Variants in UPF1 observed in about 807,000 individuals in gnomAD.
UPF1 encodes regulator of nonsense transcripts 1.
In UPF1, 9 loss-of-function variants were observed where a neutral mutation model predicts 129.2. The observed-to-expected ratio is 0.07, with a 90% CI of 0.04 to 0.12. The LOEUF (loss-of-function observed/expected upper bound fraction) is 0.12, where lower values mean the gene tolerates loss of function less well. UPF1 is among the 10% of genes least tolerant of loss of function. The pLI, the probability that UPF1 is intolerant of heterozygous loss-of-function variation, is 1.00. For synonymous variants in UPF1, 649 were observed against 644.9 expected (o/e 1.01, Z -0.10); for missense variants, 788 against 1,525.3 (o/e 0.52, Z 8.05).
chr19:18,837,107 T>C (rs2055491760), intron 1 of UPF1, among the ~76,000 whole-genome samples: 1 of 151,470 alleles, frequency 6.6e-6, no homozygotes. Context: ...GTTTTTGTTT[T>C]AAGGCAAAGT....
Position 18,851,085 on chromosome 19 carries a change from G to A in UPF1, c.810+217G>A. On this transcript the variant is annotated intron_variant, in intron 5 of 23. Coordinates refer to ENST00000262803, the MANE Select transcript of UPF1 (RefSeq NM_002911.4). The surrounding 1 kb of genome is among the most constrained non-coding windows in gnomAD (Gnocchi z 4.2). ...CTGACCGAGAAGATCCTGGCCTTGG[G>A]GAAAGGAAAGCTCTGGCTGCTGGAA... The A allele has an allele frequency of 2.1e-6, 1 of 487,438 alleles. No homozygotes were observed. The allele number at this position is 487,438 out of a possible 1,614,324, so 30.2% of individuals were successfully genotyped here. A position where few individuals can be genotyped will look rare whatever the true frequency, so the allele number is the denominator to read the frequency against.
intron 1 of UPF1, among the ~76,000 whole-genome samples, chr19:18,838,993 C>G (rs1362612973): frequency 2.0e-5 from 3 of 152,074 alleles, no homozygotes; most frequent in Non-Finnish European, 4.4e-5. Flanking sequence ...AAAAAGAGTT[C>G]CCTCTCAGCC....
chr19:18,838,963 A>G (rs1357803529), intron 1 of UPF1, among the ~76,000 whole-genome samples: 1 of 152,108 alleles, frequency 6.6e-6, no homozygotes, highest in Admixed American at 6.5e-5. Context: ...TATGACTAAT[A>G]CTATACCAGG....
At chr19:18,842,011 CTT>C (rs2055547239) in intron 1 of UPF1, among the ~76,000 whole-genome samples, 1 of 152,158 alleles carries the variant, frequency 6.6e-6, no homozygotes, top group Non-Finnish European at 1.5e-5. Context: ...AAGAGGATCT[CTT>C]TTAAGTTCAG....
intron 1 of UPF1, among the ~76,000 whole-genome samples, chr19:18,839,997 G>GTA (rs1259861247): frequency 1.3e-5 from 2 of 152,144 alleles, no homozygotes; most frequent in Non-Finnish European, 2.9e-5. Context: ...GAGGGTGGAT[G>GTA]TGGGGCCAGT....
Position 18,832,289 on chromosome 19 carries a change from A to G in UPF1, c.80A>G (p.Asp27Gly). Reference protein sequence around the residue: ...DTEEAELLGADTQGSEFEFTD... With the variant: ...DTEEAELLGAGTQGSEFEFTD... ...GAGGAGGCCGAGCTGCTTGGCGCCG[A>G]CACACAGGGCTCCGAGTTCGAGTTC... Residue 27 changes from aspartate (D) to glycine (G), a missense_variant, in exon 1 of 24, where the codon GAC becomes GGC. Coordinates refer to ENST00000262803, the MANE Select transcript of UPF1 (RefSeq NM_002911.4). The surrounding 1 kb of genome is among the most constrained non-coding windows in gnomAD (Gnocchi z 5.6). 6.5e-7 allele frequency: 1 copy of G among 1,542,402 alleles called. No individual in the cohort carries two copies. Among genetic ancestry groups the G allele is most frequent in the East Asian group, 2.7e-5 (1 of 36,520 alleles).
In UPF1 at chr19:18,832,124, A is replaced by G; in HGVS notation, c.-86A>G. 8.0e-7 allele frequency: 1 copy of G among 1,252,400 alleles called. No individual in the cohort carries two copies. The highest frequency in any genetic ancestry group is 1.0e-6 in the Non-Finnish European group (1 of 961,136). The allele number at this position is 1,252,400 out of a possible 1,614,324, so 77.6% of individuals were successfully genotyped here. ...GCGCGCGGGGGCGACAGCGGCAGCG[A>G]CCCGAGGCCTGCGGCCTAGGCCTCA... On this transcript the variant is annotated 5_prime_UTR_variant, in exon 1 of 24. Transcript: ENST00000262803. This position sits in a 1 kb window ranked among gnomAD's most constrained non-coding sequence, Gnocchi z 5.6.
chr19:18,855,610 A>G lies in UPF1; in HGVS notation c.1545-315A>G, dbSNP rs2055708580. The stretch of plus-strand genomic sequence containing the variant: ...CTGTCTGGATCTGAGCTCCTTCGGC[A>G]TCGTGTCATTACTGCCTGTTAAAAA... On this transcript the variant is annotated intron_variant, in intron 11 of 23. Transcript: ENST00000262803. 1.0e-5 allele frequency: 5 copies of G among 494,362 alleles called. No homozygotes were observed. The East Asian group carries it at 1.9e-4, about 19-fold the overall frequency. 30.6% of individuals were successfully genotyped at this position (494,362 alleles called of 1,614,324 possible). A position where few individuals can be genotyped will look rare whatever the true frequency, so the allele number is the denominator to read the frequency against.
chr19:18,865,347 C>G lies in UPF1; in HGVS notation c.2916C>G (p.Gly972=), dbSNP rs956365722. ...THDQIGMISA[G]PSHVAAMNIP... ...ACCAGATTGGCATGATCAGTGCCGG[C>G]CCTAGCCACGTGGCTGCCATGAACA... Residue 972 remains glycine (G), a synonymous_variant, in exon 21 of 24, where the codon GGC becomes GGG. Coordinates refer to ENST00000262803, the MANE Select transcript of UPF1 (RefSeq NM_002911.4). The surrounding 1 kb of genome is among the most constrained non-coding windows in gnomAD (Gnocchi z 6.1). The G allele has an allele frequency of 6.2e-7, 1 of 1,613,920 alleles. No individual in the cohort carries two copies. Among genetic ancestry groups the G allele is most frequent in the African/African-American group, 1.3e-5 (1 of 74,966 alleles).
Position 18,846,035 on chromosome 19 carries a change from C to A in UPF1, c.287C>A (p.Thr96Asn). ...NGAVDDSVAK[T>N]SQLLAELNFE... ...GCTGTGGACGACAGTGTAGCCAAGA[C>A]CAGCCAGTTGTTGGCTGAGTTGAAC... is the stretch of plus-strand genomic sequence containing the variant. The change falls in exon 2 of 24, where the codon ACC (threonine) becomes AAC (asparagine). Residue 96 changes from threonine to asparagine, a missense_variant. Thr to Asn is a moderately conservative substitution (Grantham distance 65). Around this residue, in one of 6 missense-constraint regions of UPF1, gnomAD observed 227 missense variants for 517.9 expected, o/e 0.44. Transcript: ENST00000262803. The A allele has an allele frequency of 6.2e-7, 1 of 1,614,182 alleles. No individual in the cohort carries two copies. The highest frequency in any genetic ancestry group is 8.5e-7 in the Non-Finnish European group (1 of 1,180,038).
At position 18,850,764 on chromosome 19, in the gene UPF1, C is replaced by T; in HGVS notation, c.706C>T (p.Arg236Cys). The change falls in exon 5 of 24, where the codon CGC becomes TGC. Residue 236 changes from arginine to cysteine, a missense_variant. By Grantham distance (180) the Arg-to-Cys change is radical. Transcript: ENST00000262803. This position sits in a 1 kb window ranked among gnomAD's most constrained non-coding sequence, Gnocchi z 7.1. ...SSQWQPLIQD[R>C]CFLSWLVKIP... ...GCAGTGGCAGCCGCTGATCCAGGAC[C>T]GCTGCTTCCTGTCCTGGCTGGTCAA... 1.2e-6 allele frequency: 2 copies of T among 1,611,770 alleles called. No individual in the cohort carries two copies. The highest frequency in any genetic ancestry group is 1.7e-6 in the Non-Finnish European group (2 of 1,179,486).
intron 1 of UPF1, 36 bp from the exon 2 acceptor site, chr19:18,845,944 G>T (rs772470269): frequency 6.2e-7 from 1 of 1,610,172 alleles, no homozygotes; most frequent in East Asian, 2.2e-5. Flanking sequence ...CCTGGAAGCT[G>T]CAGCCTCACT....
intron 11 of UPF1, 104 bp from the exon 12 acceptor site, chr19:18,855,821 C>T: frequency 6.8e-7 from 1 of 1,466,474 alleles, no homozygotes; most frequent in Non-Finnish European, 9.1e-7. Flanking sequence ...GCACTCCAGC[C>T]TGGGCAACAG....
At chr19:18,834,377 A>G (rs1438650816) in intron 1 of UPF1, among the ~76,000 whole-genome samples, 1 of 152,174 alleles carries the variant, frequency 6.6e-6, no homozygotes, top group African/African-American at 2.4e-5. Flanking sequence ...GGCAGCCTTT[A>G]GTTCTGCTTT....
At chr19:18,852,910 G>A (rs894868577) in intron 6 of UPF1, 77 bp from the exon 7 acceptor site, 2 of 1,245,082 alleles carry the variant, frequency 1.6e-6, no homozygotes, top group Non-Finnish European at 2.3e-6. Context: ...CCCGCCTCAT[G>A]GGGCCTCGGG....
In UPF1 at chr19:18,865,795, G is replaced by A; in HGVS notation, c.3237+17G>A. 6.2e-7 allele frequency: 1 copy of A among 1,611,892 alleles called. No individual in the cohort carries two copies. The highest frequency in any genetic ancestry group is 8.5e-7 in the Non-Finnish European group (1 of 1,179,892). Reference sequence around the variant, plus strand: ...CTGTCCCAGGTGAGCCCGCCCCTGGGACGGGACTTACCTGAGTGAGGGTGG... The same window carrying A: ...CTGTCCCAGGTGAGCCCGCCCCTGGAACGGGACTTACCTGAGTGAGGGTGG... On this transcript the variant is annotated intron_variant, in intron 22 of 23. Coordinates refer to ENST00000262803, the MANE Select transcript of UPF1 (RefSeq NM_002911.4). The surrounding 1 kb of genome is among the most constrained non-coding windows in gnomAD (Gnocchi z 6.1).
chr19:18,852,299 G>A lies in UPF1; in HGVS notation c.972+3G>A. ...ACAAGAAGCTGAAGGAGTCCCAGGT[G>A]ATGTGTGCGAGAGGGCTTGGCCTGG... On this transcript the variant is annotated splice_donor_region_variant and intron_variant, in intron 6 of 23. Transcript: ENST00000262803. 4.3e-6 allele frequency: 7 copies of A among 1,613,378 alleles called. No individual in the cohort carries two copies. Among genetic ancestry groups the A allele is most frequent in the Non-Finnish European group, 5.1e-6 (6 of 1,179,606 alleles).
rs1183818842 is a variant in UPF1 at position 18,866,569 on chromosome 19, T to C, written c.*52T>C. ...CGTGGCTTAGTCCATCAGCATCTTA[T>C]TCTGGGTAATAAAAAATAAAAATAA... On this transcript the variant is annotated 3_prime_UTR_variant, in exon 24 of 24. Transcript: ENST00000262803. The C allele has an allele frequency of 5.9e-6, 1 of 169,786 alleles. No individual in the cohort carries two copies. Among genetic ancestry groups the C allele is most frequent in the African/African-American group, 2.4e-5 (1 of 42,016 alleles). The allele number at this position is 169,786 out of a possible 1,614,324, so 10.5% of individuals were successfully genotyped here. A position where few individuals can be genotyped will look rare whatever the true frequency, so the allele number is the denominator to read the frequency against.
At chr19:18,845,560 G>T (rs913230875) in intron 1 of UPF1, among the ~76,000 whole-genome samples, 1 of 152,210 alleles carries the variant, frequency 6.6e-6, no homozygotes, top group Admixed American at 6.5e-5. Flanking sequence ...TTCCACATCT[G>T]CATGGGTGGC....
Sources: allele counts gnomAD v4.1 joint callset (sites outside exome capture counted in the v4.1 genomes callset), GRCh38; gene constraint gnomAD v4.1.1; regional missense constraint gnomAD v4.1.1; non-coding constraint Gnocchi (gnomAD v3.1); transcripts MANE v1.5; gene names NCBI Gene and HGNC (gene_info 2026-07-23, HGNC 2026-07-21).